Variants in SYNPR observed in about 807,000 individuals in gnomAD.
SYNPR encodes the protein synaptoporin.
Under a neutral mutation model 32.9 loss-of-function variants are expected in SYNPR, and 23 were observed. The observed-to-expected ratio is 0.70, with a 90% CI of 0.50 to 0.99. The LOEUF (loss-of-function observed/expected upper bound fraction) is 0.99, where lower values mean the gene tolerates loss of function less well. Ranked by LOEUF, SYNPR falls within the 50% of genes least tolerant of loss-of-function variation. SYNPR has a pLI of 0.00. For synonymous variants in SYNPR, 146 were observed against 135.9 expected (o/e 1.07, Z -0.52); for missense variants, 318 against 349.3 (o/e 0.91, Z 0.71).
chr3:63,301,831 T>G (rs59271139), intron 2 of SYNPR, among the ~76,000 whole-genome samples: 2 of 151,988 alleles, frequency 1.3e-5, no homozygotes, highest in Non-Finnish European at 2.9e-5. Context: ...AGTTCTCATC[T>G]TGTCTTCTCC....
chr3:63,442,039 G>T (rs574403804), intron 2 of SYNPR, among the ~76,000 whole-genome samples: 1 of 152,122 alleles, frequency 6.6e-6, no homozygotes, highest in Non-Finnish European at 1.5e-5. Context: ...TCCTCGTTAT[G>T]GTTTTTTGGT....
rs114666436 is a variant in SYNPR at position 63,266,813 on chromosome 3, G to T, written n.155-504G>T. Among the ~76,000 whole-genome samples, 1,154 of 152,116 alleles carry T rather than the reference G, an allele frequency of 7.6e-3. 17 individuals are homozygous for T. The highest frequency in any genetic ancestry group is 0.027 in the African/African-American group (1,115 of 41,506). ...GTTATATTTATGGAGGCTCACTCAG[G>T]GCTGGCTTCTCCACGAGACCCAGTA... On this transcript the variant is annotated intron_variant and non_coding_transcript_variant, in intron 2 of 4. Transcript: ENST00000478456.
chr3:63,294,373 T>C (rs892163663), intron 2 of SYNPR, among the ~76,000 whole-genome samples: 1 of 152,214 alleles, frequency 6.6e-6, no homozygotes, highest in Non-Finnish European at 1.5e-5. Context: ...GGAAATGAAA[T>C]CTTGATTGAC....
the SYNPR span, among the ~76,000 whole-genome samples, chr3:63,217,579 C>T: frequency 3.0e-5 from 4 of 135,268 alleles, no homozygotes; most frequent in African/African-American, 8.3e-5. Flanking sequence ...GCGCACGGTG[C>T]GCGCACACAC....
At chr3:63,575,631 T>C (rs953346302) in intron 4 of SYNPR, among the ~76,000 whole-genome samples, 1 of 152,006 alleles carries the variant, frequency 6.6e-6, no homozygotes, top group Non-Finnish European at 1.5e-5. Flanking sequence ...TCAGAGAAAA[T>C]GTCAGTTTAC....
chr3:63,476,208 A>AG (rs773769126), intron 2 of SYNPR, among the ~76,000 whole-genome samples: 9 of 62,016 alleles, frequency 1.5e-4, no homozygotes, highest in Admixed American at 1.7e-4. Flanking sequence ...AAGGGAAGGA[A>AG]GGAAGGAGGG....
intron 2 of SYNPR, among the ~76,000 whole-genome samples, chr3:63,406,841 G>A (rs1052165879): frequency 1.3e-5 from 2 of 152,116 alleles, no homozygotes; most frequent in Admixed American, 6.6e-5. Flanking sequence ...ACAACAATGA[G>A]AAGTCATGAC....
At chr3:63,544,320 CA>C (rs1702360983) in intron 3 of SYNPR, among the ~76,000 whole-genome samples, 1 of 151,960 alleles carries the variant, frequency 6.6e-6, no homozygotes, top group Admixed American at 6.6e-5. Context: ...ATAAAATGTA[CA>C]ATGTTTTCTT....
intron 4 of SYNPR, among the ~76,000 whole-genome samples, chr3:63,606,646 G>T (rs1280307141): frequency 6.6e-6 from 1 of 151,810 alleles, no homozygotes. Flanking sequence ...GCCTAGGCTG[G>T]TCTTGAACTC....
At position 63,374,368 on chromosome 3, in the gene SYNPR, TAA is replaced by T. The variant is rs768138008; in HGVS notation, c.84+95628_84+95629del. 2.0e-5 allele frequency among the ~76,000 whole-genome samples: 3 copies of T among 152,282 alleles called. No individual in the cohort carries two copies. The South Asian group carries it at 6.2e-4, about 32-fold the overall frequency. ...TATTCTCACTGCATATTCTCACTTA[TAA>T]ATGGGAGCTAAACAATGAGAACTCA... is the stretch of plus-strand genomic sequence containing the variant. On this transcript the variant is annotated intron_variant, in intron 2 of 5. Transcript: ENST00000478300.
intron 3 of SYNPR, among the ~76,000 whole-genome samples, chr3:63,272,869 G>A (rs1352920113): frequency 6.6e-6 from 1 of 152,072 alleles, no homozygotes; most frequent in Non-Finnish European, 1.5e-5. Flanking sequence ...TTGGCTTTTT[G>A]TGTGGCAAGC....
intron 2 of SYNPR, among the ~76,000 whole-genome samples, chr3:63,458,582 G>A (rs922271639): frequency 6.6e-6 from 1 of 152,096 alleles, no homozygotes; most frequent in African/African-American, 2.4e-5. Context: ...CTTAGGCTTG[G>A]AACTCAGAGA....
At chr3:63,552,890 A>T (rs1702527395) in intron 3 of SYNPR, among the ~76,000 whole-genome samples, 1 of 152,188 alleles carries the variant, frequency 6.6e-6, no homozygotes, top group Non-Finnish European at 1.5e-5. Flanking sequence ...AAATGCCCCA[A>T]TATGTTAATT....
intron 4 of SYNPR, among the ~76,000 whole-genome samples, chr3:63,574,662 C>G (rs1336179481): frequency 6.6e-6 from 1 of 152,168 alleles, no homozygotes; most frequent in African/African-American, 2.4e-5. Flanking sequence ...ATATCAGCCT[C>G]TACCACCATA....
intron 4 of SYNPR, among the ~76,000 whole-genome samples, chr3:63,563,595 C>T (rs1369732463): frequency 1.3e-5 from 2 of 152,130 alleles, no homozygotes; most frequent in Admixed American, 6.5e-5. Context: ...TTTTCTCTCC[C>T]CATTCTCCTC....
At chr3:63,532,266 C>T (rs2106790495) in intron 3 of SYNPR, among the ~76,000 whole-genome samples, 1 of 152,314 alleles carries the variant, frequency 6.6e-6, no homozygotes, top group Admixed American at 6.5e-5. Context: ...AAGGCATTGT[C>T]ACCTAGCTAC....
At chr3:63,206,465 G>T in the SYNPR span, among the ~76,000 whole-genome samples, 1 of 152,098 alleles carries the variant, frequency 6.6e-6, no homozygotes, top group Non-Finnish European at 1.5e-5. Context: ...GGAGGCTGGG[G>T]CAGGAGAATG....
At position 63,337,219 on chromosome 3, in the gene SYNPR, G is replaced by A. The variant is rs563972992; in HGVS notation, c.84+58477G>A. The stretch of plus-strand genomic sequence containing the variant: ...TGTACTCCAGCCTGGGTGACAGAGT[G>A]AGACTCTGTCTCCAAAAAAAAAAAA... On this transcript the variant is annotated intron_variant, in intron 2 of 5. Coordinates refer to ENST00000478300, the MANE Select transcript of SYNPR (RefSeq NM_001130003.2). 1.5e-4 allele frequency among the ~76,000 whole-genome samples: 16 copies of A among 106,800 alleles called. No individual in the cohort carries two copies. The Admixed American group carries it at 2.0e-3, about 13-fold the overall frequency. The allele number at this position is 106,800 out of a possible 152,430, so 70.1% of individuals were successfully genotyped here. A position where few individuals can be genotyped will look rare whatever the true frequency, so the allele number is the denominator to read the frequency against.
intron 2 of SYNPR, among the ~76,000 whole-genome samples, chr3:63,392,464 T>C (rs1019408766): frequency 6.6e-6 from 1 of 152,186 alleles, no homozygotes; most frequent in Non-Finnish European, 1.5e-5. Context: ...TTATGGAATT[T>C]TGTTATCTTT....
Sources: gnomAD v4.1 joint callset for allele counts (sites outside exome capture counted in the v4.1 genomes callset) on GRCh38, gnomAD v4.1.1 for gene constraint, MANE v1.5 for transcripts, NCBI Gene and HGNC (gene_info 2026-07-23, HGNC 2026-07-21) for gene names.